The following NIN variants were observed in gnomAD, a reference collection of about 807,000 sequenced individuals.
NIN encodes ninein, also known as glycogen synthase kinase 3 beta-interacting protein.
Under a neutral mutation model 257.6 loss-of-function variants are expected in NIN, and 137 were observed. That is an observed-to-expected ratio of 0.53 (90% CI 0.46 to 0.61). The LOEUF is 0.61. NIN is among the 20% of genes least tolerant of loss of function. The pLI is 0.00. For missense variants in NIN, 2,439 were observed against 2,501.2 expected, an observed-to-expected ratio of 0.98 and a Z score of 0.53; for synonymous variants, 918 against 919.8, an observed-to-expected ratio of 1.00 and a Z score of 0.04.
At chr14:50,764,093 A>G in intron 14 of NIN, 129 bp from the exon 15 acceptor site, 1 of 756,088 alleles carries the variant, frequency 1.3e-6, no homozygotes. Flanking sequence ...CTATCAAGAA[A>G]GTAGAAATGT....
chr14:50,798,267 G>C (rs76507950), intron 4 of NIN, among the ~76,000 whole-genome samples: 2,344 of 152,300 alleles, frequency 0.015, 61 homozygotes, highest in African/African-American at 0.052. Flanking sequence ...CCTGAATGCA[G>C]TGACAGAATC....
chr14:50,733,494 G>A (rs1483369809), intron 28 of NIN, among the ~76,000 whole-genome samples: 2 of 152,106 alleles, frequency 1.3e-5, no homozygotes, highest in Non-Finnish European at 2.9e-5. Flanking sequence ...TTCCTTAGCT[G>A]TTCGGCTCCA....
At chr14:50,818,006 G>A (rs1394417719) in intron 3 of NIN, among the ~76,000 whole-genome samples, 4 of 149,444 alleles carry the variant, frequency 2.7e-5, no homozygotes, top group South Asian at 2.3e-4. Context: ...GTGAGTCACC[G>A]TGCCTGGCCA....
At chr14:50,766,173 A>T in intron 14 of NIN, 134 bp downstream of exon 14, 1 of 669,550 alleles carries the variant, frequency 1.5e-6, no homozygotes, top group Non-Finnish European at 2.6e-6. Flanking sequence ...TTTTATTTTT[A>T]CCATTTTATG....
At position 50,821,878 on chromosome 14, in the gene NIN, C is replaced by T; in HGVS notation, c.179G>A (p.Gly60Asp). ...ACGTTCTTCCCCAGACCTTACCCTG[C>T]CCAAGAGGTTGTCCTGAAGTAATGT... ...QQTLLQDNLLGRVHFDQFKEA... is the reference protein window; with the variant it reads ...QQTLLQDNLLDRVHFDQFKEA... Residue 60 changes from glycine to aspartate, a missense_variant, in exon 3 of 31, where the codon GGC becomes GAC. Gly to Asp is a moderately conservative substitution (Grantham distance 94). This residue lies in a region of NIN where 387 missense variants were observed against 427.3 expected (regional missense o/e 0.91). Transcript: ENST00000530997. 1 of 1,612,990 alleles carries T rather than the reference C, an allele frequency of 6.2e-7. No individual in the cohort carries two copies. The highest frequency in any genetic ancestry group is 1.7e-4 in the Middle Eastern group (1 of 6,046).
chr14:50,796,654 G>T (rs1270571405), intron 4 of NIN, among the ~76,000 whole-genome samples: 4 of 152,126 alleles, frequency 2.6e-5, no homozygotes, highest in African/African-American at 9.7e-5. Context: ...ATAATAAAAA[G>T]AAAGTTAAAA....
At chr14:50,798,735 C>T (rs12893300) in intron 4 of NIN, among the ~76,000 whole-genome samples, 15,461 of 152,156 alleles carry the variant, frequency 0.1, 967 homozygotes, top group Admixed American at 0.15. Flanking sequence ...TTCATGGAAC[C>T]GTTTCTCCTC....
rs550501141 is a variant in NIN at position 50,736,101 on chromosome 14, A to G, written c.5776-484T>C. On this transcript the variant is annotated intron_variant, in intron 27 of 30. Coordinates refer to ENST00000530997, the MANE Select transcript of NIN (RefSeq NM_020921.4). ...TAAAATTGAGAGTACATAAAACCTGATTTATATAACTTTTTAATTTTAAAG... is the reference window on the plus strand; with the variant it reads ...TAAAATTGAGAGTACATAAAACCTGGTTTATATAACTTTTTAATTTTAAAG... Among the ~76,000 whole-genome samples, 3 of 152,194 alleles carry G rather than the reference A, an allele frequency of 2.0e-5. No individual in the cohort carries two copies. In the East Asian group the frequency reaches 5.8e-4, roughly 29 times the overall value.
chr14:50,789,440 G>A (rs1331876378), intron 5 of NIN, among the ~76,000 whole-genome samples: 1 of 152,212 alleles, frequency 6.6e-6, no homozygotes, highest in Non-Finnish European at 1.5e-5. Context: ...AGGCATGGTG[G>A]CATGTGCCTG....
chr14:50,826,258 C>T (rs1325826956), intron 2 of NIN, among the ~76,000 whole-genome samples: 10 of 152,172 alleles, frequency 6.6e-5, no homozygotes. Flanking sequence ...TAAACCTGGG[C>T]CTCTCCTCAC....
At chr14:50,744,182 G>A in intron 23 of NIN, 61 bp downstream of exon 23, 1 of 1,577,716 alleles carries the variant, frequency 6.3e-7, no homozygotes, top group Non-Finnish European at 8.7e-7. Context: ...TGTCCACAGA[G>A]AAAGGTTCAT....
intron 25 of NIN, among the ~76,000 whole-genome samples, chr14:50,741,335 A>T (rs2041270682): frequency 6.6e-6 from 1 of 152,224 alleles, no homozygotes; most frequent in Non-Finnish European, 1.5e-5. Context: ...AGCATCCCTA[A>T]ACTACAGTGG....
chr14:50,739,187 C>T (rs2041150420), intron 26 of NIN, 121 bp downstream of exon 26: 1 of 738,894 alleles, frequency 1.4e-6, no homozygotes, highest in East Asian at 2.7e-5. Context: ...TAAAATAAGT[C>T]TGCTATAGCA....
chr14:50,722,735 T>G lies in NIN; in HGVS notation c.*728A>C, dbSNP rs2040294900. 1 of 215,576 alleles carries G rather than the reference T, an allele frequency of 4.6e-6. No homozygotes were observed. Among genetic ancestry groups the G allele is most frequent in the East Asian group, 6.9e-5 (1 of 14,524 alleles). The allele number at this position is 215,576 out of a possible 1,614,324, so 13.4% of individuals were successfully genotyped here. A position where few individuals can be genotyped will look rare whatever the true frequency, so the allele number is the denominator to read the frequency against. ...TTAATTATGTGGCTTTATCCGTTTC[T>G]TAGAAGACCAGCTCCCCAAATGAAA... On this transcript the variant is annotated 3_prime_UTR_variant, in exon 31 of 31. Coordinates refer to ENST00000530997, the MANE Select transcript of NIN (RefSeq NM_020921.4).
At chr14:50,762,832 T>C (rs544191051) in intron 15 of NIN, among the ~76,000 whole-genome samples, 121 of 152,292 alleles carry the variant, frequency 7.9e-4, no homozygotes, top group African/African-American at 2.7e-3. Flanking sequence ...ACTGGCAGTC[T>C]TGCTTTGGGT....
intron 4 of NIN, chr14:50,794,460 G>A: frequency 1.0e-6 from 1 of 997,416 alleles, no homozygotes; most frequent in Non-Finnish European, 1.2e-6. Context: ...CAGTGTGTCA[G>A]CTTGTGACCA....
In NIN at chr14:50,721,887, G is replaced by A. The variant is rs1341572061; in HGVS notation, c.*1576C>T. ...CCAAGAAACCCTGAAGTTCCCTGAT[G>A]GAAATTATTTTGTTGAGATTGAGTT... On this transcript the variant is annotated 3_prime_UTR_variant, in exon 31 of 31. Coordinates refer to ENST00000530997, the MANE Select transcript of NIN (RefSeq NM_020921.4). The A allele has an allele frequency of 1.8e-5, 4 of 224,406 alleles. No individual in the cohort carries two copies. Among genetic ancestry groups the A allele is most frequent in the Non-Finnish European group, 2.7e-5 (3 of 112,528 alleles). 13.9% of individuals were successfully genotyped at this position (224,406 alleles called of 1,614,324 possible). A position where few individuals can be genotyped will look rare whatever the true frequency, so the allele number is the denominator to read the frequency against.
intron 28 of NIN, among the ~76,000 whole-genome samples, chr14:50,733,119 G>A (rs990386976): frequency 1.3e-5 from 2 of 151,176 alleles, no homozygotes; most frequent in Admixed American, 6.6e-5. Context: ...TTGAGATGGA[G>A]TCTTGCTCTG....
At chr14:50,770,584 A>G (rs1718035007) in intron 11 of NIN, 22 bp from the exon 12 acceptor site, 2 of 1,611,258 alleles carry the variant, frequency 1.2e-6, no homozygotes, top group Non-Finnish European at 8.5e-7. Context: ...AAAAATGGAC[A>G]AGCTGCCATC....
Sources: allele counts gnomAD v4.1 joint callset (sites outside exome capture counted in the v4.1 genomes callset), GRCh38; gene constraint gnomAD v4.1.1; regional missense constraint gnomAD v4.1.1; transcripts MANE v1.5; gene names NCBI Gene and HGNC (gene_info 2026-07-23, HGNC 2026-07-21).